The following COL6A2 variants were observed in gnomAD, a reference collection of about 807,000 sequenced individuals.
COL6A2 encodes collagen type VI alpha 2 chain, also known as collagen alpha-2(VI) chain.
COL6A2 carries 90 observed loss-of-function variants against 124.9 expected under a neutral mutation model. The observed-to-expected ratio is 0.72, with a 90% CI of 0.61 to 0.86. COL6A2 has a LOEUF of 0.86. Among genes scored for constraint, COL6A2 ranks in the 40% least tolerant of loss-of-function variants. The pLI, the probability that COL6A2 is intolerant of heterozygous loss-of-function variation, is 0.00. For missense variants in COL6A2, 1,607 were observed against 1,502.5 expected (o/e 1.07, Z -1.15); for synonymous variants, 793 against 618.2 (o/e 1.28, Z -4.19).
intron 13 of COL6A2, 118 bp downstream of exon 13, chr21:46,118,794 G>C (rs552193917): frequency 1.5e-4 from 183 of 1,257,742 alleles, no homozygotes; most frequent in Non-Finnish European, 2.0e-4. Context: ...ATTGGGCTCT[G>C]GGGACACGGG....
chr21:46,106,908 C>T (rs916318961), intron 1 of COL6A2, among the ~76,000 whole-genome samples: 4 of 152,178 alleles, frequency 2.6e-5, no homozygotes, highest in African/African-American at 7.2e-5. Context: ...TTGCAAACTC[C>T]TATCTACAAA....
intron 14 of COL6A2, 117 bp from the exon 15 acceptor site, chr21:46,119,671 C>G (rs375585172): frequency 9.7e-6 from 9 of 931,954 alleles, no homozygotes; most frequent in African/African-American, 1.6e-5. Flanking sequence ...GTCCCAGGTC[C>G]CAAAGCCAGA....
intron 21 of COL6A2, among the ~76,000 whole-genome samples, chr21:46,123,306 TC>T (rs1330877859): frequency 4.4e-5 from 2 of 44,974 alleles, no homozygotes; most frequent in Non-Finnish European, 1.1e-4. Context: ...CAGAGTCCCC[TC>T]CCCCAAAAGA....
At position 46,125,790 on chromosome 21, in the gene COL6A2, C is replaced by T. The variant is rs727502830; in HGVS notation, c.1975C>T (p.Arg659Cys). Residue 659 changes from arginine (R) to cysteine (C), a missense_variant, in exon 26 of 28, where the codon CGT (arginine) becomes TGT (cysteine). Arg to Cys is a radical substitution (Grantham distance 180, BLOSUM62 -3). Transcript: ENST00000300527. ...CTCACGCGTGCGGCTTGCAGGGACGCGTGTGGGCGTGGTGCAGTACAGCCA... is the reference window on the plus strand; with the variant it reads ...CTCACGCGTGCGGCTTGCAGGGACGTGTGTGGGCGTGGTGCAGTACAGCCA... ...AKDPKSETGT[R>C]VGVVQYSHEG... 14 of 1,611,494 alleles carry T rather than the reference C, an allele frequency of 8.7e-6. No homozygotes were observed. The highest frequency in any genetic ancestry group is 1.2e-5 in the Non-Finnish European group (14 of 1,178,830).
chr21:46,120,306 G>T (rs372773645), intron 15 of COL6A2, among the ~76,000 whole-genome samples: 3 of 152,174 alleles, frequency 2.0e-5, no homozygotes, highest in Non-Finnish European at 4.4e-5. Context: ...GCCTCAGGGG[G>T]ACCGAGAGAC....
rs886041439 is a variant in COL6A2, at chr21:46,112,044, T to TC, written c.186dup (p.Thr63HisfsTer41). On this transcript the variant is annotated frameshift_variant, in exon 3 of 28. Coordinates refer to ENST00000300527, the MANE Select transcript of COL6A2 (RefSeq NM_001849.4). LOFTEE classifies it high-confidence loss of function. ...CACCTCGGAGAGCGTCACCATGCAGTCCCCCACGGACATCCTGCTCTTCCA... is the reference window on the plus strand; with the variant it reads ...CACCTCGGAGAGCGTCACCATGCAGTCCCCCCACGGACATCCTGCTCTTCCA... 6.2e-7 allele frequency: 1 copy of TC among 1,612,786 alleles called. No homozygotes were observed. The highest frequency in any genetic ancestry group is 1.7e-5 in the Admixed American group (1 of 60,000).
intron 11 of COL6A2, among the ~76,000 whole-genome samples, 182 bp from the exon 12 acceptor site, chr21:46,117,692 A>C (rs2078494390): frequency 3.3e-5 from 5 of 152,146 alleles, no homozygotes; most frequent in Admixed American, 3.3e-4. Flanking sequence ...CTTCGGTGTC[A>C]CTGGACAGCT....
chr21:46,104,191 T>TTTTTCA (rs1221697078), intron 1 of COL6A2, among the ~76,000 whole-genome samples: 2 of 151,922 alleles, frequency 1.3e-5, no homozygotes, highest in Non-Finnish European at 1.5e-5. Context: ...CAACAGAAAC[T>TTTTTCA]GTCACTGAAA....
In COL6A2 at chr21:46,131,858, G is replaced by C. The variant is rs778737477; in HGVS notation, c.2462-96G>C. The stretch of plus-strand genomic sequence containing the variant: ...AGCCCAGTGGTCTGTGAGGTTGCAG[G>C]CAGGGTGCGAATGGAAGGGCACAGG... On this transcript the variant is annotated intron_variant, in intron 27 of 27. Transcript: ENST00000300527. 994 of 1,174,116 alleles carry C rather than the reference G, an allele frequency of 8.5e-4. 1 individual carries two copies. The highest frequency in any genetic ancestry group is 1.0e-3 in the South Asian group (79 of 75,900). The allele number at this position is 1,174,116 out of a possible 1,614,324, so 72.7% of individuals were successfully genotyped here. A position where few individuals can be genotyped will look rare whatever the true frequency, so the allele number is the denominator to read the frequency against.
Position 46,117,879 on chromosome 21 carries a change from C to A in COL6A2, c.1059C>A (p.Pro353=). Reference sequence around the variant, plus strand: ...ACCTCTCACTCCTCTCTCAGGGCCCCGACGGTTACCCGGGGGAAGCAGGGA... The same window carrying A: ...ACCTCTCACTCCTCTCTCAGGGCCCAGACGGTTACCCGGGGGAAGCAGGGA... ...GCKGDPGNRG[P]DGYPGEAGSP... Residue 353 remains proline (P), a synonymous_variant, in exon 12 of 28, where the codon CCC becomes CCA. Transcript: ENST00000300527. 6.2e-7 allele frequency: 1 copy of A among 1,611,416 alleles called. No individual in the cohort carries two copies.
At chr21:46,108,526 A>T (rs982000467) in intron 1 of COL6A2, among the ~76,000 whole-genome samples, 2 of 152,198 alleles carry the variant, frequency 1.3e-5, no homozygotes, top group African/African-American at 4.8e-5. Context: ...TTTGAAATGT[A>T]TATCCTTTAT....
At chr21:46,105,190 C>T (rs7277427) in intron 1 of COL6A2, among the ~76,000 whole-genome samples, 2,276 of 152,162 alleles carry the variant, frequency 0.015, 54 homozygotes, top group African/African-American at 0.05. Flanking sequence ...CCAGCCTGAG[C>T]AATATAGGGA....
intron 27 of COL6A2, chr21:46,129,671 G>C: frequency 7.0e-7 from 1 of 1,420,818 alleles, no homozygotes; most frequent in South Asian, 1.6e-5. Flanking sequence ...TGGCCACCGT[G>C]TCCCTTGCTG....
intron 1 of COL6A2, among the ~76,000 whole-genome samples, chr21:46,105,393 A>G (rs957186488): frequency 1.4e-4 from 22 of 152,304 alleles, no homozygotes; most frequent in Admixed American, 7.8e-4. Context: ...CTCAAAATAA[A>G]TAAATAAATA....
chr21:46,119,849 A>G lies in COL6A2; in HGVS notation c.1331A>G (p.Lys444Arg). The change falls in exon 15 of 28, where the codon AAG (lysine) becomes AGG (arginine). Residue 444 changes from lysine to arginine, a missense_variant and splice_region_variant. Lys to Arg is a conservative substitution (Grantham distance 26). Around this residue, in one of 3 missense-constraint regions of COL6A2, gnomAD observed 1,223 missense variants for 1,052.2 expected, o/e 1.16. Transcript: ENST00000300527. ...SPGSDGPKGE[K>R]GDPGPEGPRG... is the part of the protein sequence containing the mutation. ...GGCAGCGATGGCCCCAAGGGGGAGAAGGTGAGTCCTCGTGTGGAGGCAGCC... is the reference window on the plus strand; with the variant it reads ...GGCAGCGATGGCCCCAAGGGGGAGAGGGTGAGTCCTCGTGTGGAGGCAGCC... The G allele has an allele frequency of 6.4e-7, 1 of 1,558,334 alleles. No individual in the cohort carries two copies. Among genetic ancestry groups the G allele is most frequent in the Non-Finnish European group, 8.7e-7 (1 of 1,150,492 alleles).
intron 11 of COL6A2, 106 bp downstream of exon 11, chr21:46,117,559 C>A: frequency 1.8e-6 from 2 of 1,115,980 alleles, no homozygotes; most frequent in Non-Finnish European, 2.6e-6. Context: ...GTTCTCCCGG[C>A]AGCCCAGCAG....
At chr21:46,124,241 G>GTGGA (rs563105375) in intron 21 of COL6A2, among the ~76,000 whole-genome samples, 3 of 151,570 alleles carry the variant, frequency 2.0e-5, no homozygotes, top group East Asian at 2.0e-4. Flanking sequence ...GGGTGACTGG[G>GTGGA]TGGATGGATG....
At chr21:46,114,932 C>T (rs142089954) in intron 5 of COL6A2, among the ~76,000 whole-genome samples, 6 of 152,356 alleles carry the variant, frequency 3.9e-5, no homozygotes, top group African/African-American at 7.2e-5. Context: ...GTTACTGCTA[C>T]GTAGCTTCGT....
chr21:46,129,800 A>C lies in COL6A2; in HGVS notation c.2462-2154A>C. ...AATGACCTCGCAAGACCCTTAACTC[A>C]CTCCCGTCTGCAGAGTCCTTCTTTG... On this transcript the variant is annotated intron_variant, in intron 27 of 27. Coordinates refer to ENST00000300527, the MANE Select transcript of COL6A2 (RefSeq NM_001849.4). The C allele has an allele frequency of 6.8e-6, 8 of 1,181,844 alleles. No individual in the cohort carries two copies. The South Asian group carries it at 8.8e-5, about 13-fold the overall frequency. 73.2% of individuals were successfully genotyped at this position (1,181,844 alleles called of 1,614,324 possible). A position where few individuals can be genotyped will look rare whatever the true frequency, so the allele number is the denominator to read the frequency against.
Sources: allele counts gnomAD v4.1 joint callset (sites outside exome capture counted in the v4.1 genomes callset), GRCh38; gene constraint gnomAD v4.1.1; regional missense constraint gnomAD v4.1.1; transcripts MANE v1.5; gene names NCBI Gene and HGNC (gene_info 2026-07-23, HGNC 2026-07-21).